VRK1: variants seen among roughly 807,000 people sequenced by gnomAD.
The protein encoded by VRK1 is VRK serine/threonine kinase 1, also known as serine/threonine-protein kinase VRK1.
Under a neutral mutation model 57.1 loss-of-function variants are expected in VRK1, and 33 were observed. The ratio of observed to expected loss-of-function variants is 0.58; its 90% CI spans 0.44 to 0.77. The LOEUF is 0.77. Among genes scored for constraint, VRK1 ranks in the 30% least tolerant of loss-of-function variants. The probability of loss-of-function intolerance (pLI) is 0.00; values close to 1 mark genes in which losing one functional copy is unlikely to be tolerated. For missense variants in VRK1, 413 were observed against 477.3 expected (o/e 0.87, Z 1.25); for synonymous variants, 137 against 147.8 (o/e 0.93, Z 0.53).
chr14:96,800,927 TATC>T (rs1372336752), intron 1 of VRK1, among the ~76,000 whole-genome samples: 1 of 152,002 alleles, frequency 6.6e-6, no homozygotes, highest in Non-Finnish European at 1.5e-5. Context: ...TTAAAGCAAA[TATC>T]ATACTGATAA....
At chr14:96,876,794 CAAAA>C (rs1468748898) in intron 12 of VRK1, among the ~76,000 whole-genome samples, 2 of 144,822 alleles carry the variant, frequency 1.4e-5, no homozygotes, top group Admixed American at 1.4e-4. Flanking sequence ...AAAAAAAACA[CAAAA>C]AAACAAAAAA....
intron 1 of VRK1, among the ~76,000 whole-genome samples, chr14:96,822,467 G>A (rs1385290522): frequency 2.6e-5 from 4 of 152,022 alleles, no homozygotes; most frequent in Non-Finnish European, 5.9e-5. Flanking sequence ...GGGAAAATAG[G>A]GTCTAGTCCT....
intron 1 of VRK1, among the ~76,000 whole-genome samples, chr14:96,802,090 G>GT (rs1885684365): frequency 6.6e-6 from 1 of 152,128 alleles, no homozygotes; most frequent in South Asian, 2.1e-4. Flanking sequence ...GTTTAATCTT[G>GT]TTTTTTCAGA....
intron 11 of VRK1, 185 bp downstream of exon 11, chr14:96,860,920 T>C (rs1476715523): frequency 2.0e-5 from 10 of 496,166 alleles, no homozygotes; most frequent in Admixed American, 3.6e-5. Flanking sequence ...TATATATTTC[T>C]TATGTTTAGT....
intron 1 of VRK1, among the ~76,000 whole-genome samples, chr14:96,816,804 A>G (rs1886411627): frequency 6.6e-6 from 1 of 152,216 alleles, no homozygotes; most frequent in Non-Finnish European, 1.5e-5. Flanking sequence ...GTGGCACTCA[A>G]AGAGACTCAA....
intron 3 of VRK1, among the ~76,000 whole-genome samples, chr14:96,841,202 A>G (rs1887447263): frequency 6.6e-6 from 1 of 152,058 alleles, no homozygotes; most frequent in Admixed American, 6.5e-5. Flanking sequence ...GTGCTTCCTT[A>G]TTGTAATTAG....
chr14:96,809,145 G>C (rs1159072300), intron 1 of VRK1, among the ~76,000 whole-genome samples: 2 of 152,182 alleles, frequency 1.3e-5, no homozygotes, highest in Non-Finnish European at 2.9e-5. Flanking sequence ...GGGTCAGGAG[G>C]TTTTGGCTTT....
chr14:96,871,314 T>C (rs1183939840), intron 11 of VRK1, among the ~76,000 whole-genome samples: 2 of 152,188 alleles, frequency 1.3e-5, no homozygotes, highest in African/African-American at 2.4e-5. Context: ...AGTAGGTAAC[T>C]AAAAATGTTG....
At position 96,876,100 on chromosome 14, in the gene VRK1, C is replaced by G. The variant is rs1566721696; in HGVS notation, c.1139C>G (p.Thr380Arg). ...VEDTEWSNTQ[T>R]EEAIQTRSRT... ...GATACGGAATGGTCAAACACACAGA[C>G]AGAGGAGGCCATACAGACCCGTAAG... Residue 380 changes from threonine (T) to arginine (R), a missense_variant, in exon 12 of 13, where the codon ACA (threonine) becomes AGA (arginine). Thr to Arg is a moderately conservative substitution (Grantham distance 71). This residue lies in a region of VRK1 where 146 missense variants were observed against 138.2 expected (regional missense o/e 1.06). Transcript: ENST00000216639. The G allele has an allele frequency of 2.5e-6, 4 of 1,613,592 alleles. No individual in the cohort carries two copies. The highest frequency in any genetic ancestry group is 2.2e-5 in the South Asian group (2 of 91,076).
chr14:96,826,482 T>C (rs1886804110), intron 1 of VRK1, among the ~76,000 whole-genome samples: 1 of 152,238 alleles, frequency 6.6e-6, no homozygotes, highest in Non-Finnish European at 1.5e-5. Flanking sequence ...TCATTTAATA[T>C]CAGAGGAAAA....
At chr14:96,825,115 T>G (rs1241010988) in intron 1 of VRK1, among the ~76,000 whole-genome samples, 1 of 152,094 alleles carries the variant, frequency 6.6e-6, no homozygotes, top group Non-Finnish European at 1.5e-5. Context: ...GGTGAAGGAC[T>G]TGATGTTTGA....
At chr14:96,822,686 C>T (rs2139723391) in intron 1 of VRK1, among the ~76,000 whole-genome samples, 1 of 152,294 alleles carries the variant, frequency 6.6e-6, no homozygotes, top group South Asian at 2.1e-4. Flanking sequence ...ATTAAGTCAG[C>T]AGGAGAATTT....
At chr14:96,805,338 A>G (rs899515021) in intron 1 of VRK1, among the ~76,000 whole-genome samples, 2 of 152,258 alleles carry the variant, frequency 1.3e-5, no homozygotes, top group East Asian at 3.8e-4. Context: ...AGGATACACT[A>G]GAAACCTAGA....
At chr14:96,852,766 A>T in intron 5 of VRK1, 65 bp from the exon 6 acceptor site, 1 of 1,124,698 alleles carries the variant, frequency 8.9e-7, no homozygotes, top group East Asian at 2.4e-5. Flanking sequence ...CTTTGAGAGT[A>T]CTCATTACAA....
intron 11 of VRK1, among the ~76,000 whole-genome samples, chr14:96,868,445 GTGTC>G (rs1244660446): frequency 6.6e-6 from 1 of 152,164 alleles, no homozygotes; most frequent in East Asian, 1.9e-4. Flanking sequence ...TAAAATTTGA[GTGTC>G]TGAATAGCTT....
chr14:96,849,005 C>T (rs1343651576), intron 5 of VRK1, among the ~76,000 whole-genome samples: 2 of 152,122 alleles, frequency 1.3e-5, no homozygotes, highest in East Asian at 3.9e-4. Flanking sequence ...GGCCGTCTTC[C>T]TGTAGCAGAG....
At chr14:96,802,949 G>A (rs1885720858) in intron 1 of VRK1, among the ~76,000 whole-genome samples, 1 of 152,174 alleles carries the variant, frequency 6.6e-6, no homozygotes, top group Admixed American at 6.5e-5. Context: ...AAATTCAACT[G>A]CTGGGTCATA....
intron 10 of VRK1, among the ~76,000 whole-genome samples, chr14:96,859,514 C>A (rs1020216150): frequency 6.6e-6 from 1 of 152,122 alleles, no homozygotes; most frequent in Non-Finnish European, 1.5e-5. Flanking sequence ...TTTTGTACAT[C>A]TCCTTTATCA....
chr14:96,798,781 T>C (rs1315122936), intron 1 of VRK1, among the ~76,000 whole-genome samples: 1 of 152,242 alleles, frequency 6.6e-6, no homozygotes, highest in Admixed American at 6.5e-5. Flanking sequence ...AGTCATTTTA[T>C]GTAGGTTACG....
Sources: gnomAD v4.1 joint callset for allele counts (sites outside exome capture counted in the v4.1 genomes callset) on GRCh38, gnomAD v4.1.1 for gene constraint, gnomAD v4.1.1 regional missense constraint, MANE v1.5 for transcripts, NCBI Gene and HGNC (gene_info 2026-07-23, HGNC 2026-07-21) for gene names.